MAP2K6: variants seen among roughly 807,000 people sequenced by gnomAD.
The protein encoded by MAP2K6 is mitogen-activated protein kinase kinase 6, also known as dual specificity mitogen-activated protein kinase kinase 6.
Under a neutral mutation model 53.7 loss-of-function variants are expected in MAP2K6, and 16 were observed. The observed-to-expected ratio is 0.30, with a 90% CI of 0.20 to 0.45. The LOEUF (loss-of-function observed/expected upper bound fraction) is 0.45, where lower values mean the gene tolerates loss of function less well. Among genes scored for constraint, MAP2K6 ranks in the 20% least tolerant of loss-of-function variants. The pLI, the probability that MAP2K6 is intolerant of heterozygous loss-of-function variation, is 1.00. For synonymous variants in MAP2K6, 132 were observed against 143.1 expected (o/e 0.92, Z 0.55); for missense variants, 204 against 411.9 (o/e 0.50, Z 4.37).
chr17:69,503,712 A>G (rs372472910), intron 1 of MAP2K6, among the ~76,000 whole-genome samples: 1 of 152,190 alleles, frequency 6.6e-6, no homozygotes, highest in African/African-American at 2.4e-5. Flanking sequence ...AATTTTTTAA[A>G]TGACTTTAAA....
At chr17:69,508,938 T>G (rs1318267551) in intron 2 of MAP2K6, among the ~76,000 whole-genome samples, 1 of 152,250 alleles carries the variant, frequency 6.6e-6, no homozygotes, top group Non-Finnish European at 1.5e-5. Flanking sequence ...TGAAGTTATT[T>G]CCGCATTGTT....
chr17:69,473,974 T>C (rs1040513023), intron 1 of MAP2K6, among the ~76,000 whole-genome samples: 2 of 152,180 alleles, frequency 1.3e-5, no homozygotes, highest in Non-Finnish European at 1.5e-5. Context: ...CTTGGACATA[T>C]TCTGAATCAA....
chr17:69,416,276 T>C (rs1364198971), intron 1 of MAP2K6, among the ~76,000 whole-genome samples: 1 of 152,066 alleles, frequency 6.6e-6, no homozygotes, highest in Non-Finnish European at 1.5e-5. Context: ...AAGAAGGAAG[T>C]AGTAATCTCA....
intron 1 of MAP2K6, among the ~76,000 whole-genome samples, chr17:69,484,436 G>A (rs931240874): frequency 1.3e-5 from 2 of 152,036 alleles, no homozygotes; most frequent in Non-Finnish European, 2.9e-5. Context: ...ACAAGTGTAG[G>A]TGAGGATGTG....
rs192422759 is a variant in MAP2K6, at chr17:69,415,144, T to C, written c.16+144T>C. 6.7e-6 allele frequency: 5 copies of C among 747,322 alleles called. No homozygotes were observed. The Admixed American group carries it at 1.2e-4, about 17-fold the overall frequency. 46.3% of individuals were successfully genotyped at this position (747,322 alleles called of 1,614,324 possible). ...AGTTGCATTTCCTGTTTAGTATGTGTCTTTTTTTGCAGACACAGAGAGTTC... is the reference window on the plus strand; with the variant it reads ...AGTTGCATTTCCTGTTTAGTATGTGCCTTTTTTTGCAGACACAGAGAGTTC... On this transcript the variant is annotated intron_variant, in intron 1 of 11. Transcript: ENST00000590474.
At position 69,546,749 on chromosome 17, in the gene MAP2K6, A is replaced by G. The variant is rs1468944880; in HGVS notation, c.*4996A>G. The G allele has an allele frequency of 2.0e-5, 3 of 152,164 alleles. No individual in the cohort carries two copies. Among genetic ancestry groups the G allele is most frequent in the African/African-American group, 4.8e-5 (2 of 41,440 alleles). The allele number at this position is 152,164 out of a possible 1,614,324, so 9.4% of individuals were successfully genotyped here. A position where few individuals can be genotyped will look rare whatever the true frequency, so the allele number is the denominator to read the frequency against. On this transcript the variant is annotated 3_prime_UTR_variant, in exon 12 of 12. Transcript: ENST00000590474. The stretch of plus-strand genomic sequence containing the variant: ...GTGCTGGGATTTTGCCTTAACATCT[A>G]TCTATGACTTGAAGAGGGATTTGTT...
At chr17:69,445,736 G>A (rs981953694) in intron 1 of MAP2K6, among the ~76,000 whole-genome samples, 6 of 151,866 alleles carry the variant, frequency 4.0e-5, no homozygotes, top group Non-Finnish European at 8.8e-5. Flanking sequence ...TAAAGCCTGC[G>A]TCATTAAGAA....
At chr17:69,429,499 A>C (rs1354428358) in intron 1 of MAP2K6, among the ~76,000 whole-genome samples, 1 of 152,000 alleles carries the variant, frequency 6.6e-6, no homozygotes, top group Non-Finnish European at 1.5e-5. Flanking sequence ...GCTGATTTTT[A>C]GATAAGGCCT....
At chr17:69,465,793 G>GT (rs1907778128) in intron 1 of MAP2K6, among the ~76,000 whole-genome samples, 1 of 151,282 alleles carries the variant, frequency 6.6e-6, no homozygotes, top group Non-Finnish European at 1.5e-5. Context: ...CTAATGTTTT[G>GT]TATTTAGTAG....
intron 1 of MAP2K6, chr17:69,502,416 A>G: frequency 2.0e-6 from 2 of 985,440 alleles, no homozygotes; most frequent in Non-Finnish European, 2.4e-6. Context: ...AGAGATGGGC[A>G]AGTAAGCGAA....
intron 3 of MAP2K6, among the ~76,000 whole-genome samples, chr17:69,517,108 T>C (rs1335298592): frequency 6.6e-6 from 1 of 151,790 alleles, no homozygotes; most frequent in African/African-American, 2.4e-5. Context: ...TGGAAGGTAT[T>C]TGAATAGAGT....
intron 1 of MAP2K6, 141 bp from the exon 2 acceptor site, chr17:69,505,639 C>CA (rs747471204): frequency 1.4e-6 from 1 of 692,696 alleles, no homozygotes; most frequent in Non-Finnish European, 2.7e-6. Flanking sequence ...CACTCACAGA[C>CA]TTCCTGGGTA....
rs61758041 is a variant in MAP2K6, at chr17:69,517,491, C to T, written c.133-9C>T. 2.6e-6 allele frequency: 4 copies of T among 1,537,552 alleles called. No individual in the cohort carries two copies. Among genetic ancestry groups the T allele is most frequent in the African/African-American group, 2.8e-5 (2 of 72,516 alleles). ...TTTCCCATTGCATTATTCCTTTTCT[C>T]TCTTGCAGAACTTTGAGGTGAAGGC... On this transcript the variant is annotated splice_polypyrimidine_tract_variant and intron_variant, in intron 3 of 11. Transcript: ENST00000590474.
At position 69,543,470 on chromosome 17, in the gene MAP2K6, G is replaced by T. The variant is rs549836019; in HGVS notation, c.*1717G>T. ...ATTCAGTTCCAAGATATATCTGCTT[G>T]ATTAAACATGAGCTTCCTCTGCTCT... On this transcript the variant is annotated 3_prime_UTR_variant, in exon 12 of 12. Transcript: ENST00000590474. 6.6e-6 allele frequency: 1 copy of T among 152,224 alleles called. No individual in the cohort carries two copies. Among genetic ancestry groups the T allele is most frequent in the Non-Finnish European group, 1.5e-5 (1 of 68,008 alleles). The allele number at this position is 152,224 out of a possible 1,614,324, so 9.4% of individuals were successfully genotyped here. A position where few individuals can be genotyped will look rare whatever the true frequency, so the allele number is the denominator to read the frequency against.
intron 1 of MAP2K6, among the ~76,000 whole-genome samples, chr17:69,449,585 C>A (rs1252501163): frequency 1.1e-5 from 1 of 93,510 alleles, no homozygotes; most frequent in Non-Finnish European, 2.4e-5. Flanking sequence ...TTCTTTCTTT[C>A]TTTCTTTTTC....
intron 1 of MAP2K6, among the ~76,000 whole-genome samples, chr17:69,452,538 G>T (rs1160626850): frequency 6.6e-6 from 1 of 152,150 alleles, no homozygotes; most frequent in Non-Finnish European, 1.5e-5. Flanking sequence ...AAAATTTCAA[G>T]AAATCTAGAT....
At chr17:69,511,430 G>A (rs1317158739) in intron 2 of MAP2K6, among the ~76,000 whole-genome samples, 1 of 152,094 alleles carries the variant, frequency 6.6e-6, no homozygotes, top group Non-Finnish European at 1.5e-5. Context: ...AAATAAATAG[G>A]CCTTGACAAA....
chr17:69,493,936 G>C (rs1908850241), intron 1 of MAP2K6, among the ~76,000 whole-genome samples: 1 of 152,060 alleles, frequency 6.6e-6, no homozygotes, highest in Non-Finnish European at 1.5e-5. Context: ...TTTTCATTAA[G>C]AGTTTAAGTT....
chr17:69,476,772 G>C (rs78439838), intron 1 of MAP2K6, among the ~76,000 whole-genome samples: 1 of 152,196 alleles, frequency 6.6e-6, no homozygotes, highest in African/African-American at 2.4e-5. Flanking sequence ...GCTGATATCT[G>C]TGAAGGTGCT....
Sources: gnomAD v4.1 joint callset for allele counts (sites outside exome capture counted in the v4.1 genomes callset) on GRCh38, gnomAD v4.1.1 for gene constraint, MANE v1.5 for transcripts, NCBI Gene and HGNC (gene_info 2026-07-23, HGNC 2026-07-21) for gene names.